ARHGEF12: variants seen among roughly 807,000 people sequenced by gnomAD.
ARHGEF12 encodes the protein KMT2A/ARHGEF12 fusion protein.
A neutral mutation model predicts 211.2 loss-of-function variants in ARHGEF12; 66 were observed. That is an observed-to-expected ratio of 0.31 (90% CI 0.26 to 0.38). ARHGEF12 has a LOEUF of 0.38. Ranked by LOEUF, ARHGEF12 falls within the 10% of genes least tolerant of loss-of-function variation. The probability of loss-of-function intolerance (pLI) is 1.00; values close to 1 mark genes in which losing one functional copy is unlikely to be tolerated. For missense variants in ARHGEF12, 1,429 were observed against 1,869.5 expected (o/e 0.76, Z 4.34); for synonymous variants, 592 against 638.4 (o/e 0.93, Z 1.09).
chr11:120,437,257 C>T (rs747855219), intron 11 of ARHGEF12, 51 bp from the exon 12 acceptor site: 3 of 1,309,276 alleles, frequency 2.3e-6, no homozygotes, highest in Non-Finnish European at 2.1e-6. Flanking sequence ...TCCCTCATCT[C>T]CTTTTGGTGT....
chr11:120,369,070 C>T (rs1943513907), intron 1 of ARHGEF12, among the ~76,000 whole-genome samples: 3 of 151,344 alleles, frequency 2.0e-5, no homozygotes, highest in Non-Finnish European at 2.9e-5. Flanking sequence ...ATAACAACAT[C>T]GTCTTTTATC....
Position 120,347,151 on chromosome 11 carries a change from C to CTTTCTTTCTTTCTTTCTTT in ARHGEF12, c.32+9876_32+9877insTTTCTTTCTTTCTTTCTTT, listed in dbSNP as rs1296663235. Among the ~76,000 whole-genome samples the CTTTCTTTCTTTCTTTCTTT allele has an allele frequency of 8.5e-5, 5 of 58,512 alleles. 1 individual carries two copies. Among genetic ancestry groups the CTTTCTTTCTTTCTTTCTTT allele is most frequent in the African/African-American group, 4.2e-4 (5 of 11,954 alleles). The allele number at this position is 58,512 out of a possible 152,430, so 38.4% of individuals were successfully genotyped here. A position where few individuals can be genotyped will look rare whatever the true frequency, so the allele number is the denominator to read the frequency against. ...TCTTTCTTTCCTTCCTTCCTTCCTT[C>CTTTCTTTCTTTCTTTCTTT]CTTCCTTCCTTCCTTCCTTCCTTCC... On this transcript the variant is annotated intron_variant, in intron 1 of 40. Transcript: ENST00000397843.
In ARHGEF12 at chr11:120,423,072, A is replaced by C. The variant is rs78523506; in HGVS notation, c.348+1220A>C. On this transcript the variant is annotated intron_variant, in intron 6 of 40. Transcript: ENST00000397843. ...ACTTTTAAATTATAAGAAAGGAATAAATATTCTAAAAGAAAAATGGGCAAA... is the reference window on the plus strand; with the variant it reads ...ACTTTTAAATTATAAGAAAGGAATACATATTCTAAAAGAAAAATGGGCAAA... 8.7e-3 allele frequency among the ~76,000 whole-genome samples: 1,329 copies of C among 152,294 alleles called. 87 individuals are homozygous for C. The South Asian group carries it at 0.16, about 18-fold the overall frequency.
intron 11 of ARHGEF12, among the ~76,000 whole-genome samples, chr11:120,434,422 C>T (rs537428970): frequency 6.6e-6 from 1 of 152,292 alleles, no homozygotes; most frequent in Non-Finnish European, 1.5e-5. Flanking sequence ...ATCTTCTGAA[C>T]ACAGAACACA....
intron 1 of ARHGEF12, among the ~76,000 whole-genome samples, chr11:120,383,010 G>A (rs1943920454): frequency 6.6e-6 from 1 of 152,150 alleles, no homozygotes; most frequent in South Asian, 2.1e-4. Flanking sequence ...GTGGTGGCGG[G>A]CGCCTGTGGT....
At position 120,481,995 on chromosome 11, in the gene ARHGEF12, G is replaced by A. The variant is rs77484756; in HGVS notation, c.4554+419G>A. 8.4e-3 allele frequency among the ~76,000 whole-genome samples: 1,278 copies of A among 152,148 alleles called. 85 individuals carry two copies. In the South Asian group the frequency reaches 0.16, roughly 19 times the overall value. ...AGGATGGTCTCGATCTCCTGACCTC[G>A]TGATCCGCCTGCCTCGGCCTCCCAA... On this transcript the variant is annotated intron_variant, in intron 39 of 40. Transcript: ENST00000397843.
chr11:120,484,980 C>A, intron 40 of ARHGEF12, 87 bp from the exon 41 acceptor site: 2 of 1,394,514 alleles, frequency 1.4e-6, no homozygotes, highest in Non-Finnish European at 2.0e-6. Flanking sequence ...AAGATTGAAC[C>A]ACGCCCACAG....
intron 4 of ARHGEF12, among the ~76,000 whole-genome samples, chr11:120,417,154 C>T (rs1252354219): frequency 1.3e-5 from 2 of 152,044 alleles, no homozygotes; most frequent in Non-Finnish European, 2.9e-5. Context: ...ATAGCAAACT[C>T]CTTGACTCCA....
intron 1 of ARHGEF12, among the ~76,000 whole-genome samples, chr11:120,394,697 A>G (rs1591538001): frequency 1.3e-5 from 2 of 152,154 alleles, no homozygotes; most frequent in South Asian, 2.1e-4. Context: ...GAAAAGAGAG[A>G]AGACACACAT....
At chr11:120,391,287 TAAG>T (rs984059283) in intron 1 of ARHGEF12, among the ~76,000 whole-genome samples, 51 of 152,362 alleles carry the variant, frequency 3.3e-4, no homozygotes, top group African/African-American at 1.2e-3. Context: ...TAATAAGAAT[TAAG>T]AAACCTTTGT....
At chr11:120,354,585 A>T (rs898926337) in intron 1 of ARHGEF12, among the ~76,000 whole-genome samples, 1 of 152,184 alleles carries the variant, frequency 6.6e-6, no homozygotes, top group African/African-American at 2.4e-5. Flanking sequence ...TGCTTAAGAG[A>T]TATTTAGGTG....
intron 1 of ARHGEF12, among the ~76,000 whole-genome samples, chr11:120,367,368 T>TCC (rs1016148654): frequency 4.1e-5 from 5 of 122,126 alleles, no homozygotes; most frequent in African/African-American, 1.6e-4. Context: ...TTTTTTTTTT[T>TCC]TTTTTTTTTT....
At chr11:120,438,624 C>G (rs1945768919) in intron 12 of ARHGEF12, 1 of 152,206 alleles carries the variant, frequency 6.6e-6, no homozygotes, top group South Asian at 2.1e-4. Context: ...TATACAACTT[C>G]AGCTATAGCC....
chr11:120,442,161 A>C lies in ARHGEF12; in HGVS notation c.1261A>C (p.Ile421Leu). ...TACCAATTCCAAAGAAACTCGTCGC[A>C]TCTTCCTTGAGTTTCATCAGTTCTT... ...KHTNSKETRR[I>L]FLEFHQFFLD... Residue 421 changes from isoleucine to leucine, a missense_variant, in exon 15 of 41, where the codon ATC (isoleucine) becomes CTC (leucine). By Grantham distance (5) the Ile-to-Leu change is conservative (BLOSUM62 2). Around this residue, in one of 7 missense-constraint regions of ARHGEF12, gnomAD observed 373 missense variants for 467.5 expected, o/e 0.80. Coordinates refer to ENST00000397843, the MANE Select transcript of ARHGEF12 (RefSeq NM_015313.3). 2 of 1,610,872 alleles carry C rather than the reference A, an allele frequency of 1.2e-6. No individual in the cohort carries two copies. Among genetic ancestry groups the C allele is most frequent in the Non-Finnish European group, 1.7e-6 (2 of 1,179,458 alleles).
intron 5 of ARHGEF12, 125 bp from the exon 6 acceptor site, chr11:120,421,678 C>T (rs573142354): frequency 5.1e-5 from 40 of 787,826 alleles, no homozygotes; most frequent in East Asian, 1.1e-4. Flanking sequence ...CCTCGTGATC[C>T]GCCCGCCTCG....
intron 1 of ARHGEF12, 91 bp from the exon 2 acceptor site, chr11:120,406,027 T>G (rs1287673017): frequency 1.0e-6 from 1 of 977,534 alleles, no homozygotes; most frequent in Non-Finnish European, 1.5e-6. Context: ...GATTTAAATC[T>G]CTTATTCTGG....
intron 22 of ARHGEF12, among the ~76,000 whole-genome samples, chr11:120,456,688 AAC>A (rs1946371528): frequency 1.3e-5 from 2 of 152,180 alleles, no homozygotes; most frequent in South Asian, 4.1e-4. Flanking sequence ...ATTTTTAAGA[AAC>A]AGTTTTAAAA....
chr11:120,359,297 T>A (rs907313655), intron 1 of ARHGEF12, among the ~76,000 whole-genome samples: 10 of 152,270 alleles, frequency 6.6e-5, no homozygotes, highest in Admixed American at 4.6e-4. Flanking sequence ...TGATCATGGC[T>A]CACTGCAGCC....
At chr11:120,362,680 C>T (rs1943309325) in intron 1 of ARHGEF12, among the ~76,000 whole-genome samples, 1 of 152,120 alleles carries the variant, frequency 6.6e-6, no homozygotes, top group African/African-American at 2.4e-5. Context: ...AAAGTATCTT[C>T]TAGATTATTA....
Sources: gnomAD v4.1 joint callset for allele counts (sites outside exome capture counted in the v4.1 genomes callset) on GRCh38, gnomAD v4.1.1 for gene constraint, gnomAD v4.1.1 regional missense constraint, MANE v1.5 for transcripts, NCBI Gene and HGNC (gene_info 2026-07-23, HGNC 2026-07-21) for gene names.